Variants in GALNT8 observed in about 807,000 individuals in gnomAD.
The protein encoded by GALNT8 is polypeptide N-acetylgalactosaminyltransferase 8.
Under a neutral mutation model 62.7 loss-of-function variants are expected in GALNT8, and 66 were observed. The ratio of observed to expected loss-of-function variants is 1.05; its 90% CI spans 0.86 to 1.29. The LOEUF (loss-of-function observed/expected upper bound fraction) is 1.29. GALNT8 is among the 50% of genes most tolerant of loss of function. The pLI is 0.00. For missense variants in GALNT8, 771 were observed against 791.8 expected (o/e 0.97, Z 0.32); for synonymous variants, 288 against 294.3 (o/e 0.98, Z 0.22).
chr12:4,721,815 C>G (rs1946171259), intron 1 of GALNT8, among the ~76,000 whole-genome samples: 1 of 152,184 alleles, frequency 6.6e-6, no homozygotes, highest in African/African-American at 2.4e-5. Flanking sequence ...CAGGTCTTTC[C>G]CTTCCCACGA....
chr12:4,737,761 A>C (rs1284804161), intron 2 of GALNT8, among the ~76,000 whole-genome samples: 12 of 152,148 alleles, frequency 7.9e-5, no homozygotes, highest in Admixed American at 7.9e-4. Context: ...CGTCATTATC[A>C]TGAGAGGGGG....
At chr12:4,765,900 C>T (rs1433570515) in intron 10 of GALNT8, among the ~76,000 whole-genome samples, 1 of 152,218 alleles carries the variant, frequency 6.6e-6, no homozygotes, top group East Asian at 1.9e-4. Flanking sequence ...CCTGCCTCAG[C>T]CTTCTGAGTA....
chr12:4,771,616 G>A (rs1044512364), intron 10 of GALNT8, among the ~76,000 whole-genome samples: 1 of 152,128 alleles, frequency 6.6e-6, no homozygotes, highest in Non-Finnish European at 1.5e-5. Context: ...CCATCAGAAT[G>A]AATGTTATGC....
At chr12:4,728,822 C>T (rs919364960) in intron 2 of GALNT8, among the ~76,000 whole-genome samples, 8 of 152,100 alleles carry the variant, frequency 5.3e-5, no homozygotes, top group African/African-American at 1.7e-4. Flanking sequence ...TTTCTCAAGA[C>T]TGTTTTGTCT....
chr12:4,760,511 C>G (rs968816185), intron 6 of GALNT8, among the ~76,000 whole-genome samples: 4 of 152,154 alleles, frequency 2.6e-5, no homozygotes, highest in African/African-American at 4.8e-5. Flanking sequence ...GGGGATCAGG[C>G]AAGGCTGTAG....
At chr12:4,735,756 C>A (rs1946241764) in intron 2 of GALNT8, among the ~76,000 whole-genome samples, 2 of 152,194 alleles carry the variant, frequency 1.3e-5, no homozygotes, top group Admixed American at 1.3e-4. Flanking sequence ...CCTCCTTCCC[C>A]CCAGCCCACG....
At chr12:4,746,407 C>CG (rs763682482) in intron 6 of GALNT8, 149 bp downstream of exon 6, 2 of 616,842 alleles carry the variant, frequency 3.2e-6, no homozygotes, top group South Asian at 1.9e-5. Context: ...GGGCCAAGGA[C>CG]GGGGGGCAAT....
In GALNT8 at chr12:4,726,914, G is replaced by A. The variant is rs1442854123; in HGVS notation, c.509+85G>A. The A allele has an allele frequency of 1.7e-6, 2 of 1,179,628 alleles. No homozygotes were observed. Among genetic ancestry groups the A allele is most frequent in the Non-Finnish European group, 2.4e-6 (2 of 830,934 alleles). 73.1% of individuals were successfully genotyped at this position (1,179,628 alleles called of 1,614,324 possible). ...GGAGCAGTGAACATTGAAGGCTGGG[G>A]GAGTGGGGGATTGTTGGGGAAGGGG... On this transcript the variant is annotated intron_variant, in intron 2 of 10. Transcript: ENST00000252318. This position sits in a 1 kb window ranked among gnomAD's most constrained non-coding sequence, Gnocchi z 4.1.
chr12:4,745,014 A>G (rs1946290555), intron 4 of GALNT8, among the ~76,000 whole-genome samples: 2 of 152,158 alleles, frequency 1.3e-5, no homozygotes, highest in Admixed American at 1.3e-4. Context: ...GGTTATTTTA[A>G]AGGTTTTTCC....
intron 2 of GALNT8, among the ~76,000 whole-genome samples, chr12:4,734,796 C>T (rs1017961294): frequency 1.3e-5 from 2 of 152,120 alleles, no homozygotes; most frequent in Non-Finnish European, 2.9e-5. Flanking sequence ...TATCTCTTGG[C>T]ACTACTACTA....
At chr12:4,730,575 G>T (rs1946217118) in intron 2 of GALNT8, among the ~76,000 whole-genome samples, 1 of 152,082 alleles carries the variant, frequency 6.6e-6, no homozygotes, top group Non-Finnish European at 1.5e-5. Flanking sequence ...CTCTATGTCT[G>T]TTTTTATGGC....
chr12:4,743,547 A>G (rs1946281555), intron 3 of GALNT8, among the ~76,000 whole-genome samples: 1 of 152,078 alleles, frequency 6.6e-6, no homozygotes, highest in African/African-American at 2.4e-5. Context: ...CTATGGGGAG[A>G]GAGGAGAGGG....
chr12:4,726,479 C>A lies in GALNT8; in HGVS notation c.212-53C>A. ...AGGATGGAAAGGAATACCCAGGTAACTAAGGAGGGGCTGAAATGTTTTCTC... is the reference window on the plus strand; with the variant it reads ...AGGATGGAAAGGAATACCCAGGTAAATAAGGAGGGGCTGAAATGTTTTCTC... On this transcript the variant is annotated intron_variant, in intron 1 of 10. Coordinates refer to ENST00000252318, the MANE Select transcript of GALNT8 (RefSeq NM_017417.2). The surrounding 1 kb of genome is among the most constrained non-coding windows in gnomAD (Gnocchi z 4.1). 7.6e-7 allele frequency: 1 copy of A among 1,311,338 alleles called. No homozygotes were observed. Among genetic ancestry groups the A allele is most frequent in the Non-Finnish European group, 1.1e-6 (1 of 933,134 alleles). 81.2% of individuals were successfully genotyped at this position (1,311,338 alleles called of 1,614,324 possible). A position where few individuals can be genotyped will look rare whatever the true frequency, so the allele number is the denominator to read the frequency against.
At chr12:4,720,970 A>G (rs1946165136) in intron 1 of GALNT8, 82 bp downstream of exon 1, 2 of 822,902 alleles carry the variant, frequency 2.4e-6, no homozygotes, top group Non-Finnish European at 4.2e-6. Flanking sequence ...TATGGAAGGA[A>G]AAATGGGTGA....
chr12:4,735,342 G>A (rs764549080), intron 2 of GALNT8, among the ~76,000 whole-genome samples: 2 of 152,122 alleles, frequency 1.3e-5, no homozygotes, highest in African/African-American at 2.4e-5. Flanking sequence ...CATTGGAGCC[G>A]TGACTTGTTC....
intron 4 of GALNT8, 132 bp downstream of exon 4, chr12:4,744,832 A>ACAG (rs1946289718): frequency 6.6e-6 from 4 of 603,744 alleles, no homozygotes; most frequent in Non-Finnish European, 1.1e-5. Context: ...AATCTCCAAA[A>ACAG]CAGCATGCTT....
chr12:4,768,847 G>A (rs1946411029), intron 10 of GALNT8, among the ~76,000 whole-genome samples: 1 of 152,096 alleles, frequency 6.6e-6, no homozygotes, highest in Admixed American at 6.5e-5. Flanking sequence ...ACTTTACTTT[G>A]TAGACACAAC....
At chr12:4,768,204 A>G (rs1403579599) in intron 10 of GALNT8, among the ~76,000 whole-genome samples, 2 of 152,186 alleles carry the variant, frequency 1.3e-5, no homozygotes, top group Admixed American at 6.5e-5. Flanking sequence ...TAAAATTGCT[A>G]TCACAAGATT....
chr12:4,722,472 A>T (rs1009334450), intron 1 of GALNT8, among the ~76,000 whole-genome samples: 1 of 152,210 alleles, frequency 6.6e-6, no homozygotes, highest in African/African-American at 2.4e-5. Flanking sequence ...GCAGAAGGTG[A>T]TCTATAAACT....
Sources: allele counts gnomAD v4.1 joint callset (sites outside exome capture counted in the v4.1 genomes callset), GRCh38; gene constraint gnomAD v4.1.1; non-coding constraint Gnocchi (gnomAD v3.1); transcripts MANE v1.5; gene names NCBI Gene and HGNC (gene_info 2026-07-23, HGNC 2026-07-21).